SYNGR2: variants seen among roughly 807,000 people sequenced by gnomAD.
The protein encoded by SYNGR2 is synaptogyrin-2.
A neutral mutation model predicts 18.7 loss-of-function variants in SYNGR2; 11 were observed. The ratio of observed to expected loss-of-function variants is 0.59; its 90% CI spans 0.37 to 0.97. The LOEUF is 0.97. SYNGR2 is among the 50% of genes least tolerant of loss of function. The pLI is 0.01. For synonymous variants in SYNGR2, 127 were observed against 131.0 expected, an observed-to-expected ratio of 0.97 and a Z score of 0.21; for missense variants, 253 against 300.7, an observed-to-expected ratio of 0.84 and a Z score of 1.17.
chr17:78,171,374 C>A lies in SYNGR2; in HGVS notation c.338-136C>A. 8.7e-7 allele frequency: 1 copy of A among 1,147,488 alleles called. No homozygotes were observed. Among genetic ancestry groups the A allele is most frequent in the Non-Finnish European group, 1.2e-6 (1 of 830,202 alleles). 71.1% of individuals were successfully genotyped at this position (1,147,488 alleles called of 1,614,324 possible). On this transcript the variant is annotated intron_variant, in intron 2 of 3. Transcript: ENST00000225777. The surrounding 1 kb of genome is among the most constrained non-coding windows in gnomAD (Gnocchi z 6.6). ...GGGACTTTGGAGGTGGCTCCCGGCC[C>A]GGCTTCCAAGTCCTCCCCTCCATAG...
In SYNGR2 at chr17:78,172,118, C is replaced by A; in HGVS notation, c.*182C>A. 1 of 1,397,934 alleles carries A rather than the reference C, an allele frequency of 7.2e-7. No homozygotes were observed. 86.6% of individuals were successfully genotyped at this position (1,397,934 alleles called of 1,614,324 possible). A position where few individuals can be genotyped will look rare whatever the true frequency, so the allele number is the denominator to read the frequency against. On this transcript the variant is annotated 3_prime_UTR_variant, in exon 4 of 4. Transcript: ENST00000225777. ...CAGAGCCACACCCCAAGTGCCTGTG[C>A]CCAGAGGGCTTCAGTCAGCCGCTCA...
In SYNGR2 at chr17:78,171,045, C is replaced by G. The variant is rs775497579; in HGVS notation, c.328C>G (p.Leu110Val). The change falls in exon 2 of 4, where the codon CTC (leucine) becomes GTC (valine). Residue 110 changes from leucine to valine, a missense_variant. By Grantham distance (32) the Leu-to-Val change is conservative. Transcript: ENST00000225777. The surrounding 1 kb of genome is among the most constrained non-coding windows in gnomAD (Gnocchi z 6.6). ...CAAGTACCTGGTCATTGGTGACCTG[C>G]TCTTCTCAGGTATCTGCCTGTGGCA... ...DRKYLVIGDL[L>V]FSALWTFLWF... 12 of 1,612,882 alleles carry G rather than the reference C, an allele frequency of 7.4e-6. No homozygotes were observed. Among genetic ancestry groups the G allele is most frequent in the South Asian group, 5.5e-5 (5 of 91,084 alleles).
At position 78,168,625 on chromosome 17, in the gene SYNGR2, C is replaced by CG; in HGVS notation, c.13dup (p.Ala5GlyfsTer42). On this transcript the variant is annotated frameshift_variant, in exon 1 of 4. Coordinates refer to ENST00000225777, the MANE Select transcript of SYNGR2 (RefSeq NM_004710.7). LOFTEE classifies it high-confidence loss of function. ...GCGGCGGCGACGGCGACATGGAGAG[C>CG]GGGGCCTACGGCGCGGCCAAGGCGG... 1.2e-5 allele frequency: 14 copies of CG among 1,202,782 alleles called. No homozygotes were observed. The highest frequency in any genetic ancestry group is 1.4e-5 in the Non-Finnish European group (14 of 969,066). 74.5% of individuals were successfully genotyped at this position (1,202,782 alleles called of 1,614,324 possible).
chr17:78,168,846 C>A, intron 1 of SYNGR2, 131 bp downstream of exon 1: 2 of 728,046 alleles, frequency 2.7e-6, no homozygotes, highest in Non-Finnish European at 3.6e-6. Flanking sequence ...CGAGCGGGGC[C>A]GGCGTCCAGC....
In SYNGR2 at chr17:78,172,066, G is replaced by C. The variant is rs1000633548; in HGVS notation, c.*130G>C. ...TCCTGTGCAGCTGACACACAGCTAA[G>C]GAGCCTCATAGCCTGGCGGGGGCTG... On this transcript the variant is annotated 3_prime_UTR_variant, in exon 4 of 4. Coordinates refer to ENST00000225777, the MANE Select transcript of SYNGR2 (RefSeq NM_004710.7). 1.4e-5 allele frequency: 21 copies of C among 1,513,780 alleles called. No individual in the cohort carries two copies. In the Admixed American group the frequency reaches 4.1e-4, roughly 30 times the overall value. The allele number at this position is 1,513,780 out of a possible 1,614,324, so 93.8% of individuals were successfully genotyped here. A position where few individuals can be genotyped will look rare whatever the true frequency, so the allele number is the denominator to read the frequency against.
Position 78,168,622 on chromosome 17 carries a change from G to A in SYNGR2, c.6G>A (p.Glu2=). The change falls in exon 1 of 4, where the codon GAG becomes GAA. Residue 2 remains glutamate (E), a synonymous_variant. Coordinates refer to ENST00000225777, the MANE Select transcript of SYNGR2 (RefSeq NM_004710.7). M[E]SGAYGAAKAG... is the part of the protein sequence containing the mutation. ...GCAGCGGCGGCGACGGCGACATGGA[G>A]AGCGGGGCCTACGGCGCGGCCAAGG... 1 of 1,203,208 alleles carries A rather than the reference G, an allele frequency of 8.3e-7. No homozygotes were observed. Among genetic ancestry groups the A allele is most frequent in the Non-Finnish European group, 1.0e-6 (1 of 969,356 alleles). 74.5% of individuals were successfully genotyped at this position (1,203,208 alleles called of 1,614,324 possible).
rs1473881859 is a variant in SYNGR2, at chr17:78,170,863, G to A, written c.146G>A (p.Ser49Asn). 1 of 1,613,064 alleles carries A rather than the reference G, an allele frequency of 6.2e-7. No homozygotes were observed. Among genetic ancestry groups the A allele is most frequent in the Non-Finnish European group, 8.5e-7 (1 of 1,180,036 alleles). Residue 49 changes from serine (S) to asparagine (N), a missense_variant, in exon 2 of 4, where the codon AGC (serine) becomes AAC (asparagine). Transcript: ENST00000225777. ...TCCTGCATCTATGGTGAGGGCTACA[G>A]CAATGCCCACGAGTCTAAGCAGATG... Reference protein sequence around the residue: ...VFSCIYGEGYSNAHESKQMYC... With the variant: ...VFSCIYGEGYNNAHESKQMYC...
Position 78,168,614 on chromosome 17 carries a change from G to T in SYNGR2, c.-3G>T. The T allele has an allele frequency of 1.7e-6, 2 of 1,200,942 alleles. No individual in the cohort carries two copies. The highest frequency in any genetic ancestry group is 8.8e-5 in the Admixed American group (2 of 22,634). 74.4% of individuals were successfully genotyped at this position (1,200,942 alleles called of 1,614,324 possible). A position where few individuals can be genotyped will look rare whatever the true frequency, so the allele number is the denominator to read the frequency against. The stretch of plus-strand genomic sequence containing the variant: ...CGGCGGCGGCAGCGGCGGCGACGGC[G>T]ACATGGAGAGCGGGGCCTACGGCGC... On this transcript the variant is annotated 5_prime_UTR_variant, in exon 1 of 4. Transcript: ENST00000225777.
At position 78,172,324 on chromosome 17, in the gene SYNGR2, A is replaced by G. The variant is rs11557902; in HGVS notation, c.*388A>G. Reference sequence around the variant, plus strand: ...GCCGCTATTATCTGCGTTCTCTGCCAAAGACTCGTGGGGGCCATCACACCT... The same window carrying G: ...GCCGCTATTATCTGCGTTCTCTGCCGAAGACTCGTGGGGGCCATCACACCT... On this transcript the variant is annotated 3_prime_UTR_variant, in exon 4 of 4. Coordinates refer to ENST00000225777, the MANE Select transcript of SYNGR2 (RefSeq NM_004710.7). The G allele has an allele frequency of 8.6e-5, 38 of 443,000 alleles. No homozygotes were observed. The highest frequency in any genetic ancestry group is 6.1e-4 in the African/African-American group (31 of 51,224). 27.4% of individuals were successfully genotyped at this position (443,000 alleles called of 1,614,324 possible).
intron 1 of SYNGR2, chr17:78,169,568 G>T (rs957937834): frequency 6.6e-6 from 1 of 152,378 alleles, no homozygotes; most frequent in African/African-American, 2.4e-5. Flanking sequence ...ATCTGGGGGC[G>T]GGGCCTGTGA....
At position 78,172,206 on chromosome 17, in the gene SYNGR2, T is replaced by C. The variant is rs1598961283; in HGVS notation, c.*270T>C. 1 of 724,582 alleles carries C rather than the reference T, an allele frequency of 1.4e-6. No homozygotes were observed. Among genetic ancestry groups the C allele is most frequent in the Non-Finnish European group, 2.2e-6 (1 of 458,204 alleles). The allele number at this position is 724,582 out of a possible 1,614,324, so 44.9% of individuals were successfully genotyped here. On this transcript the variant is annotated 3_prime_UTR_variant, in exon 4 of 4. Coordinates refer to ENST00000225777, the MANE Select transcript of SYNGR2 (RefSeq NM_004710.7). ...GTGTTTTTCCTCGCTTTTAATGACC[T>C]CAGCCCCGCCTGCAGTGGCTAGAAG... is the stretch of plus-strand genomic sequence containing the variant.
rs2075636160 is a variant in SYNGR2 at position 78,168,682 on chromosome 17, G to A, written c.66G>A (p.Thr22=). The change falls in exon 1 of 4, where the codon ACG becomes ACA. Residue 22 remains threonine, a synonymous_variant. Transcript: ENST00000225777. ...CCTTCGACCTGCGGCGCTTCCTGAC[G>A]CAGCCGCAGGTGGTGGCGCGCGCCG... ...GGSFDLRRFL[T]QPQVVARAVC... 1.7e-6 allele frequency: 2 copies of A among 1,203,502 alleles called. No individual in the cohort carries two copies. The highest frequency in any genetic ancestry group is 4.1e-5 in the South Asian group (1 of 24,124). The allele number at this position is 1,203,502 out of a possible 1,614,324, so 74.6% of individuals were successfully genotyped here. A position where few individuals can be genotyped will look rare whatever the true frequency, so the allele number is the denominator to read the frequency against.
In SYNGR2 at chr17:78,172,350, GCC is replaced by G; in HGVS notation, c.*416_*417del. ...AAGACTCGTGGGGGCCATCACACCTGCCCTGTGCAGCGGAGCCGGACCAGGCT... is the reference window on the plus strand; with the variant it reads ...AAGACTCGTGGGGGCCATCACACCTGCTGTGCAGCGGAGCCGGACCAGGCT... On this transcript the variant is annotated 3_prime_UTR_variant, in exon 4 of 4. Transcript: ENST00000225777. The G allele has an allele frequency of 2.8e-6, 1 of 359,848 alleles. No individual in the cohort carries two copies. The highest frequency in any genetic ancestry group is 5.1e-6 in the Non-Finnish European group (1 of 196,542). The allele number at this position is 359,848 out of a possible 1,614,324, so 22.3% of individuals were successfully genotyped here.
rs1160355244 is a variant in SYNGR2, at chr17:78,172,708, G to C, written c.*772G>C. On this transcript the variant is annotated 3_prime_UTR_variant, in exon 4 of 4. Coordinates refer to ENST00000225777, the MANE Select transcript of SYNGR2 (RefSeq NM_004710.7). ...GATGCTGTTTGGAGACGGAATAAAT[G>C]TTTTCTCATTCAGTCTCCAGTCATT... 6.6e-6 allele frequency: 1 copy of C among 152,302 alleles called. No individual in the cohort carries two copies. Among genetic ancestry groups the C allele is most frequent in the Non-Finnish European group, 1.5e-5 (1 of 68,126 alleles). The allele number at this position is 152,302 out of a possible 1,614,324, so 9.4% of individuals were successfully genotyped here.
rs2075657448 is a variant in SYNGR2 at position 78,171,422 on chromosome 17, C to T, written c.338-88C>T. 4 of 1,473,946 alleles carry T rather than the reference C, an allele frequency of 2.7e-6. No individual in the cohort carries two copies. The South Asian group carries it at 4.2e-5, about 15-fold the overall frequency. 91.3% of individuals were successfully genotyped at this position (1,473,946 alleles called of 1,614,324 possible). A position where few individuals can be genotyped will look rare whatever the true frequency, so the allele number is the denominator to read the frequency against. On this transcript the variant is annotated intron_variant, in intron 2 of 3. Transcript: ENST00000225777. The surrounding 1 kb of genome is among the most constrained non-coding windows in gnomAD (Gnocchi z 6.6). ...TAGTGTGGAGGCTCCCCCGGGAGGTCCCTGCCCTACCTGCCCGCGTCCCCT... is the reference window on the plus strand; with the variant it reads ...TAGTGTGGAGGCTCCCCCGGGAGGTTCCTGCCCTACCTGCCCGCGTCCCCT...
At chr17:78,169,952 T>G (rs1490082565) in intron 1 of SYNGR2, 1 of 152,642 alleles carries the variant, frequency 6.6e-6, no homozygotes, top group Non-Finnish European at 1.5e-5. Flanking sequence ...CTGGCCAGGC[T>G]GAACCAGGGA....
In SYNGR2 at chr17:78,171,827, A is replaced by G. The variant is rs1410190451; in HGVS notation, c.566A>G (p.Asn189Ser). 2 of 1,613,962 alleles carry G rather than the reference A, an allele frequency of 1.2e-6. No individual in the cohort carries two copies. Among genetic ancestry groups the G allele is most frequent in the East Asian group, 2.2e-5 (1 of 44,880 alleles). ...TACGTTGACCCCACTCCGGACCCCAACACTGCCTACGCCTCCTACCCAGGT... is the reference window on the plus strand; with the variant it reads ...TACGTTGACCCCACTCCGGACCCCAGCACTGCCTACGCCTCCTACCCAGGT... ...QNYVDPTPDP[N>S]TAYASYPGAS... Residue 189 changes from asparagine to serine, a missense_variant, in exon 4 of 4, where the codon AAC becomes AGC. By Grantham distance (46) the Asn-to-Ser change is conservative. Transcript: ENST00000225777. The surrounding 1 kb of genome is among the most constrained non-coding windows in gnomAD (Gnocchi z 6.6).
Position 78,168,587 on chromosome 17 carries a change from CGCG to C in SYNGR2, c.-21_-19del, listed in dbSNP as rs1006830707. 7.7e-6 allele frequency: 9 copies of C among 1,176,360 alleles called. No homozygotes were observed. Among genetic ancestry groups the C allele is most frequent in the East Asian group, 3.5e-5 (1 of 28,372 alleles). 72.9% of individuals were successfully genotyped at this position (1,176,360 alleles called of 1,614,324 possible). A position where few individuals can be genotyped will look rare whatever the true frequency, so the allele number is the denominator to read the frequency against. On this transcript the variant is annotated 5_prime_UTR_variant, in exon 1 of 4. Coordinates refer to ENST00000225777, the MANE Select transcript of SYNGR2 (RefSeq NM_004710.7). ...GCGCCGGGCAGGTTCCTCTGCGTTCCGCGGCGGCGGCAGCGGCGGCGACGGCGA... is the reference window on the plus strand; with the variant it reads ...GCGCCGGGCAGGTTCCTCTGCGTTCCGCGGCGGCAGCGGCGGCGACGGCGA...
Position 78,172,090 on chromosome 17 carries a change from TGGC to T in SYNGR2, c.*155_*157del. 1 of 1,462,696 alleles carries T rather than the reference TGGC, an allele frequency of 6.8e-7. No individual in the cohort carries two copies. The highest frequency in any genetic ancestry group is 1.4e-5 in the South Asian group (1 of 73,622). The allele number at this position is 1,462,696 out of a possible 1,614,324, so 90.6% of individuals were successfully genotyped here. On this transcript the variant is annotated 3_prime_UTR_variant, in exon 4 of 4. Coordinates refer to ENST00000225777, the MANE Select transcript of SYNGR2 (RefSeq NM_004710.7). ...AGGAGCCTCATAGCCTGGCGGGGGC[TGGC>T]AGAGCCACACCCCAAGTGCCTGTGC...
Sources: allele counts gnomAD v4.1 joint callset, GRCh38; gene constraint gnomAD v4.1.1; non-coding constraint Gnocchi (gnomAD v3.1); transcripts MANE v1.5; gene names NCBI Gene and HGNC (gene_info 2026-07-23, HGNC 2026-07-21).